FAF1: variants seen among roughly 807,000 people sequenced by gnomAD.
FAF1 encodes Fas associated factor 1.
In FAF1, 25 loss-of-function variants were observed where a neutral mutation model predicts 92.5. The ratio of observed to expected loss-of-function variants is 0.27; its 90% CI spans 0.20 to 0.38. The LOEUF (loss-of-function observed/expected upper bound fraction) is 0.38, where lower values mean the gene tolerates loss of function less well. FAF1 is among the 10% of genes least tolerant of loss of function. FAF1 has a pLI of 1.00. For synonymous variants in FAF1, 234 were observed against 273.2 expected, an observed-to-expected ratio of 0.86 and a Z score of 1.42; for missense variants, 636 against 793.3, an observed-to-expected ratio of 0.80 and a Z score of 2.38.
chr1:50,585,706 C>T (rs1651192940), intron 9 of FAF1, among the ~76,000 whole-genome samples: 1 of 151,908 alleles, frequency 6.6e-6, no homozygotes, highest in African/African-American at 2.4e-5. Context: ...AATAAAATTT[C>T]TATCTTTTAA....
intron 15 of FAF1, among the ~76,000 whole-genome samples, chr1:50,522,243 C>T (rs967694163): frequency 6.6e-6 from 1 of 152,108 alleles, no homozygotes; most frequent in Non-Finnish European, 1.5e-5. Context: ...TCCCATAAAT[C>T]TTTAATATAA....
chr1:50,761,619 C>G (rs1054055473), intron 4 of FAF1, among the ~76,000 whole-genome samples: 1 of 152,144 alleles, frequency 6.6e-6, no homozygotes, highest in African/African-American at 2.4e-5. Flanking sequence ...GCAGAAAAAG[C>G]CTTTGACAAA....
chr1:50,605,432 TAG>T (rs1652333908), intron 8 of FAF1, among the ~76,000 whole-genome samples: 2 of 152,204 alleles, frequency 1.3e-5, no homozygotes, highest in Non-Finnish European at 2.9e-5. Context: ...CATACCTTTT[TAG>T]AGAGAATGGT....
chr1:50,658,118 T>C (rs1440114857), intron 7 of FAF1, among the ~76,000 whole-genome samples: 1 of 152,146 alleles, frequency 6.6e-6, no homozygotes, highest in Non-Finnish European at 1.5e-5. Context: ...CCGAGAGTGT[T>C]ACGTTAATAA....
At chr1:50,541,744 A>C (rs1648767874) in intron 13 of FAF1, among the ~76,000 whole-genome samples, 4 of 152,092 alleles carry the variant, frequency 2.6e-5, no homozygotes, top group Admixed American at 2.6e-4. Context: ...AGAACAAAGA[A>C]ATAAAGGAAA....
intron 1 of FAF1, among the ~76,000 whole-genome samples, chr1:50,957,589 G>A (rs1286025405): frequency 6.6e-6 from 1 of 151,674 alleles, no homozygotes; most frequent in East Asian, 1.9e-4. Context: ...TCCTGACCTC[G>A]TGATCCGCCC....
chr1:50,791,736 C>G (rs1661570909), intron 3 of FAF1, among the ~76,000 whole-genome samples: 1 of 152,222 alleles, frequency 6.6e-6, no homozygotes, highest in South Asian at 2.1e-4. Flanking sequence ...ACAGTGGTAG[C>G]TTCCTCTGGC....
At chr1:50,766,805 A>AC (rs1330459326) in intron 4 of FAF1, among the ~76,000 whole-genome samples, 3 of 151,250 alleles carry the variant, frequency 2.0e-5, no homozygotes, top group Non-Finnish European at 4.4e-5. Context: ...AAAAAAAAAA[A>AC]AAAAAAACCA....
intron 8 of FAF1, among the ~76,000 whole-genome samples, chr1:50,648,076 T>C (rs376782236): frequency 3.9e-5 from 6 of 151,970 alleles, no homozygotes; most frequent in Non-Finnish European, 7.4e-5. Context: ...CTGGCCGACA[T>C]AGTGAAACCC....
intron 8 of FAF1, among the ~76,000 whole-genome samples, chr1:50,597,144 G>C (rs983981265): frequency 6.6e-6 from 1 of 151,932 alleles, no homozygotes; most frequent in African/African-American, 2.4e-5. Flanking sequence ...CTAGCACACA[G>C]TTGGTGGCTC....
intron 4 of FAF1, among the ~76,000 whole-genome samples, chr1:50,749,381 C>G (rs963588484): frequency 6.6e-6 from 1 of 152,166 alleles, no homozygotes; most frequent in Non-Finnish European, 1.5e-5. Flanking sequence ...GTCCCAGTTA[C>G]TCTTGCAGAA....
At chr1:50,849,734 TA>T (rs928965041) in intron 2 of FAF1, among the ~76,000 whole-genome samples, 2 of 151,818 alleles carry the variant, frequency 1.3e-5, no homozygotes, top group Admixed American at 1.3e-4. Context: ...AATATCCTTG[TA>T]AAAAAAAGAG....
intron 1 of FAF1, among the ~76,000 whole-genome samples, chr1:50,870,715 A>G (rs1644520958): frequency 6.6e-6 from 1 of 152,162 alleles, no homozygotes; most frequent in Non-Finnish European, 1.5e-5. Flanking sequence ...TAAATGTTGT[A>G]TGTGTCCTCA....
At chr1:50,675,419 T>A (rs1656077100) in intron 7 of FAF1, among the ~76,000 whole-genome samples, 2 of 152,218 alleles carry the variant, frequency 1.3e-5, no homozygotes, top group Admixed American at 6.5e-5. Flanking sequence ...GTTTCGAGGA[T>A]ACAATATTGG....
At chr1:50,705,045 G>A (rs1396311294) in intron 7 of FAF1, among the ~76,000 whole-genome samples, 1 of 152,140 alleles carries the variant, frequency 6.6e-6, no homozygotes, top group Non-Finnish European at 1.5e-5. Context: ...AATGACTGTT[G>A]CTTTCATAAC....
intron 2 of FAF1, among the ~76,000 whole-genome samples, chr1:50,832,539 C>T (rs1288127591): frequency 6.6e-6 from 1 of 152,142 alleles, no homozygotes; most frequent in Non-Finnish European, 1.5e-5. Flanking sequence ...TTGACAAACA[C>T]TAAATTTAAA....
At chr1:50,668,424 T>C (rs1409500263) in intron 7 of FAF1, among the ~76,000 whole-genome samples, 1 of 152,216 alleles carries the variant, frequency 6.6e-6, no homozygotes, top group Non-Finnish European at 1.5e-5. Context: ...CTTTGCAAGA[T>C]CAGCTTTCAG....
intron 1 of FAF1, among the ~76,000 whole-genome samples, chr1:50,941,386 TTTC>T (rs1330174142): frequency 3.9e-5 from 6 of 152,062 alleles, no homozygotes; most frequent in Non-Finnish European, 8.8e-5. Context: ...ATTTTTGTAT[TTTC>T]TTTTTTTGGT....
At chr1:50,713,134 T>C (rs1052533918) in intron 6 of FAF1, among the ~76,000 whole-genome samples, 20 of 126,520 alleles carry the variant, frequency 1.6e-4, no homozygotes, top group African/African-American at 6.2e-4. Flanking sequence ...CACTCCAGCC[T>C]GAGTGACAGA....
Sources: gnomAD v4.1 joint callset for allele counts (sites outside exome capture counted in the v4.1 genomes callset) on GRCh38, gnomAD v4.1.1 for gene constraint, MANE v1.5 for transcripts, NCBI Gene and HGNC (gene_info 2026-07-23, HGNC 2026-07-21) for gene names.